Variants in HECW1 observed in about 807,000 individuals in gnomAD.
HECW1 encodes the protein E3 ubiquitin-protein ligase HECW1.
A neutral mutation model predicts 182.3 loss-of-function variants in HECW1; 61 were observed. That is an observed-to-expected ratio of 0.33 (90% CI 0.27 to 0.41). HECW1 has a LOEUF of 0.41. Among genes scored for constraint, HECW1 ranks in the 10% least tolerant of loss-of-function variants. HECW1 has a pLI of 1.00. For synonymous variants in HECW1, 859 were observed against 832.6 expected (o/e 1.03, Z -0.55); for missense variants, 1,739 against 2,108.9 (o/e 0.82, Z 3.44).
rs1354650509 is a variant in HECW1 at position 43,564,806 on chromosome 7, T to G, written c.*2880T>G. ...AATGAAATAGCTATAGAACTAAATT[T>G]CACTTAGGTGGAGGTATAAACCACC... On this transcript the variant is annotated 3_prime_UTR_variant, in exon 30 of 30. Transcript: ENST00000395891. 11 of 182,246 alleles carry G rather than the reference T, an allele frequency of 6.0e-5. No homozygotes were observed. In the Admixed American group the frequency reaches 6.9e-4, roughly 11 times the overall value. The allele number at this position is 182,246 out of a possible 1,614,324, so 11.3% of individuals were successfully genotyped here.
At chr7:43,351,678 C>CTTTTTTTTTTTTTTTT (rs200929407) in intron 5 of HECW1, among the ~76,000 whole-genome samples, 2 of 120,568 alleles carry the variant, frequency 1.7e-5, no homozygotes, top group East Asian at 2.3e-4. Flanking sequence ...TTTCTTTCTT[C>CTTTTTTTTTTTTTTTT]TTTTTTTTTT....
chr7:43,237,410 G>A (rs1798477477), intron 2 of HECW1, among the ~76,000 whole-genome samples: 1 of 152,158 alleles, frequency 6.6e-6, no homozygotes, highest in African/African-American at 2.4e-5. Flanking sequence ...GAAGGGCAGG[G>A]ACCACACTAA....
intron 12 of HECW1, among the ~76,000 whole-genome samples, chr7:43,454,949 C>T (rs2077351352): frequency 6.6e-6 from 1 of 152,026 alleles, no homozygotes; most frequent in Admixed American, 6.5e-5. Context: ...CTGCTGTTTC[C>T]ACAATGTGAT....
At chr7:43,223,344 G>A (rs568799571) in intron 2 of HECW1, among the ~76,000 whole-genome samples, 6 of 152,280 alleles carry the variant, frequency 3.9e-5, no homozygotes, top group Admixed American at 2.6e-4. Context: ...AAGGCCAGGC[G>A]CCATGGCTCA....
chr7:43,323,048 C>A (rs1304471235), intron 5 of HECW1, among the ~76,000 whole-genome samples: 2 of 152,082 alleles, frequency 1.3e-5, no homozygotes. Flanking sequence ...TGACCACATC[C>A]CATAAAGCCA....
chr7:43,377,565 T>C (rs1212456568), intron 6 of HECW1, among the ~76,000 whole-genome samples: 1 of 152,134 alleles, frequency 6.6e-6, no homozygotes, highest in Non-Finnish European at 1.5e-5. Context: ...TCAGGGGTTT[T>C]CTCCGGTGGG....
At chr7:43,287,988 G>C (rs1431295226) in intron 3 of HECW1, among the ~76,000 whole-genome samples, 1 of 152,190 alleles carries the variant, frequency 6.6e-6, no homozygotes, top group Non-Finnish European at 1.5e-5. Context: ...GTTTTTGGAG[G>C]TGGGCTTGAG....
chr7:43,311,751 T>C lies in HECW1; in HGVS notation c.28-12T>C, dbSNP rs1033782840. ...TGCCCTGACCCTGCTCACTGTCTCT[T>C]TGCTCCCACAGAATCTGTACCAGAA... On this transcript the variant is annotated splice_polypyrimidine_tract_variant and intron_variant, in intron 3 of 29. Coordinates refer to ENST00000395891, the MANE Select transcript of HECW1 (RefSeq NM_015052.5). 6.2e-7 allele frequency: 1 copy of C among 1,613,472 alleles called. No individual in the cohort carries two copies.
At chr7:43,531,884 C>T (rs1264641915) in intron 24 of HECW1, among the ~76,000 whole-genome samples, 1 of 152,200 alleles carries the variant, frequency 6.6e-6, no homozygotes, top group Non-Finnish European at 1.5e-5. Flanking sequence ...CCTGGGTCCG[C>T]CTCTCCATCT....
rs756847495 is a variant in HECW1, at chr7:43,550,549, C to T, written c.4353C>T (p.Gly1451=). The T allele has an allele frequency of 6.2e-6, 10 of 1,610,658 alleles. No individual in the cohort carries two copies. Among genetic ancestry groups the T allele is most frequent in the East Asian group, 4.5e-5 (2 of 44,822 alleles). ...TGGTGAAGTGGCGGGTGGAGCGCGG[C>T]GTGGTACAGCAGACCGAGGCGCTGG... ...ERMVKWRVER[G]VVQQTEALVR... The change falls in exon 27 of 30, where the codon GGC becomes GGT. Residue 1451 remains glycine, a synonymous_variant. Coordinates refer to ENST00000395891, the MANE Select transcript of HECW1 (RefSeq NM_015052.5).
chr7:43,407,698 A>G lies in HECW1; in HGVS notation c.768A>G (p.Ile256Met), dbSNP rs1325984618. 6.2e-7 allele frequency: 1 copy of G among 1,613,804 alleles called. No individual in the cohort carries two copies. Among genetic ancestry groups the G allele is most frequent in the Non-Finnish European group, 8.5e-7 (1 of 1,179,894 alleles). The change falls in exon 8 of 30, where the codon ATA (isoleucine) becomes ATG (methionine). Residue 256 changes from isoleucine to methionine, a missense_variant. Coordinates refer to ENST00000395891, the MANE Select transcript of HECW1 (RefSeq NM_015052.5). ...GACAGGAGAGGAGATCCAAGATCAT[A>G]GGCAACACCGTGAACCCCATCTGGC... ...HHGQERRSKI[I>M]GNTVNPIWQA...
At chr7:43,264,662 A>C (rs147109571) in intron 3 of HECW1, among the ~76,000 whole-genome samples, 1 of 151,932 alleles carries the variant, frequency 6.6e-6, no homozygotes, top group African/African-American at 2.4e-5. Context: ...TGGCTAACAC[A>C]GTGAACCCCG....
intron 5 of HECW1, among the ~76,000 whole-genome samples, chr7:43,332,782 A>T (rs758957696): frequency 1.3e-5 from 2 of 152,188 alleles, no homozygotes; most frequent in Non-Finnish European, 2.9e-5. Context: ...CCAGCAGCTA[A>T]ACTTCTTTGA....
chr7:43,201,613 A>G (rs1355084515), intron 2 of HECW1, among the ~76,000 whole-genome samples: 1 of 152,222 alleles, frequency 6.6e-6, no homozygotes, highest in Non-Finnish European at 1.5e-5. Context: ...GGTAAAGCTG[A>G]CATTTTCTTC....
At position 43,463,796 on chromosome 7, in the gene HECW1, TTA is replaced by T; in HGVS notation, c.2789_2790del (p.Leu930Ter). 6.2e-7 allele frequency: 1 copy of T among 1,613,776 alleles called. No individual in the cohort carries two copies. The highest frequency in any genetic ancestry group is 2.2e-5 in the East Asian group (1 of 44,864). ...AGAAGCCGAATCTTCCCAGTCCAGC[TTA>T]GGTATTGGAGGAGGGGTCCCCACAA... ...DSEAESSQSS[L>X]DLRREGSLSP... On this transcript the variant is annotated frameshift_variant and splice_region_variant, in exon 14 of 30. Coordinates refer to ENST00000395891, the MANE Select transcript of HECW1 (RefSeq NM_015052.5). LOFTEE classifies it high-confidence loss of function.
At chr7:43,439,673 C>T (rs1385824984) in intron 9 of HECW1, 1 of 152,784 alleles carries the variant, frequency 6.5e-6, no homozygotes, top group Non-Finnish European at 1.5e-5. Flanking sequence ...CCGCAGAGCC[C>T]CTCTGCCCTC....
At position 43,430,850 on chromosome 7, in the gene HECW1, C is replaced by T. The variant is rs565760553; in HGVS notation, c.802-7153C>T. Among the ~76,000 whole-genome samples the T allele has an allele frequency of 2.9e-3, 430 of 149,222 alleles. 4 individuals are homozygous for T. The highest frequency in any genetic ancestry group is 0.01 in the African/African-American group (412 of 40,628). On this transcript the variant is annotated intron_variant, in intron 8 of 29. Coordinates refer to ENST00000395891, the MANE Select transcript of HECW1 (RefSeq NM_015052.5). ...AGGCTGGAGTGCAGTGGGGTGATCT[C>T]GGCTCACCACAACCTCTGCCTCCTG...
At chr7:43,447,675 C>A (rs2077100982) in intron 11 of HECW1, among the ~76,000 whole-genome samples, 1 of 152,242 alleles carries the variant, frequency 6.6e-6, no homozygotes, top group Non-Finnish European at 1.5e-5. Flanking sequence ...CTGTCCTTCA[C>A]TTGCCACCAG....
intron 3 of HECW1, among the ~76,000 whole-genome samples, chr7:43,275,706 A>G (rs1803036401): frequency 1.3e-5 from 2 of 149,414 alleles, no homozygotes; most frequent in South Asian, 2.1e-4. Context: ...TCTTATGCGC[A>G]CGCACACACA....
Sources: allele counts gnomAD v4.1 joint callset (sites outside exome capture counted in the v4.1 genomes callset), GRCh38; gene constraint gnomAD v4.1.1; transcripts MANE v1.5; gene names NCBI Gene and HGNC (gene_info 2026-07-23, HGNC 2026-07-21).